The following RBFOX1 variants were observed in gnomAD, a reference collection of about 807,000 sequenced individuals.
The protein encoded by RBFOX1 is RNA binding protein fox-1 homolog 1.
A neutral mutation model predicts 57.7 loss-of-function variants in RBFOX1; 8 were observed. That is an observed-to-expected ratio of 0.14 (90% CI 0.08 to 0.25). The LOEUF is 0.25. RBFOX1 is among the 10% of genes least tolerant of loss of function. The probability of loss-of-function intolerance (pLI) is 1.00; values close to 1 mark genes in which losing one functional copy is unlikely to be tolerated. For synonymous variants in RBFOX1, 326 were observed against 222.4 expected, an observed-to-expected ratio of 1.47 and a Z score of -4.15; for missense variants, 611 against 548.5, an observed-to-expected ratio of 1.11 and a Z score of -1.14.
At chr16:6,076,843 G>A (rs1339018353) in intron 1 of RBFOX1, among the ~76,000 whole-genome samples, 5 of 152,110 alleles carry the variant, frequency 3.3e-5, no homozygotes, top group African/African-American at 9.7e-5. Context: ...GGCCAAAAAC[G>A]GGAGCAGAAA....
intron 3 of RBFOX1, among the ~76,000 whole-genome samples, chr16:5,652,667 G>A (rs1039822487): frequency 4.6e-5 from 7 of 152,186 alleles, no homozygotes; most frequent in African/African-American, 1.2e-4. Flanking sequence ...GGGAAAATGG[G>A]TGCAGGAACC....
intron 3 of RBFOX1, among the ~76,000 whole-genome samples, chr16:6,744,236 C>T (rs990646022): frequency 1.3e-4 from 20 of 152,052 alleles, no homozygotes; most frequent in African/African-American, 4.6e-4. Context: ...ACTGTTGGAA[C>T]TGGAAGGAGA....
At chr16:5,592,462 G>T (rs1466440145) in intron 2 of RBFOX1, among the ~76,000 whole-genome samples, 2 of 151,320 alleles carry the variant, frequency 1.3e-5, no homozygotes, top group African/African-American at 4.9e-5. Context: ...CATCGTCCAG[G>T]CTGGAGTGCA....
intron 1 of RBFOX1, among the ~76,000 whole-genome samples, chr16:5,259,363 C>A (rs1479733006): frequency 6.6e-6 from 1 of 152,186 alleles, no homozygotes; most frequent in East Asian, 1.9e-4. Context: ...CAGCTGATCT[C>A]ATGCAGCCAG....
intron 3 of RBFOX1, among the ~76,000 whole-genome samples, chr16:7,039,825 C>T (rs995591294): frequency 1.3e-5 from 2 of 152,026 alleles, no homozygotes; most frequent in Non-Finnish European, 2.9e-5. Context: ...ACACATGAGA[C>T]CCTAGAAGCA....
At chr16:6,716,011 C>T (rs1017907452) in intron 3 of RBFOX1, among the ~76,000 whole-genome samples, 2 of 84,312 alleles carry the variant, frequency 2.4e-5, no homozygotes, top group Non-Finnish European at 5.2e-5. Context: ...ATTAACTTCA[C>T]AGCCTACATA....
intron 4 of RBFOX1, among the ~76,000 whole-genome samples, chr16:7,138,761 A>G (rs1202117094): frequency 6.6e-6 from 1 of 152,146 alleles, no homozygotes; most frequent in Non-Finnish European, 1.5e-5. Context: ...TTTCACTAAA[A>G]CAAGGAACAC....
chr16:6,399,061 G>A (rs58308355), intron 2 of RBFOX1, among the ~76,000 whole-genome samples: 16,493 of 152,254 alleles, frequency 0.11, 1,963 homozygotes, highest in African/African-American at 0.3. Context: ...ACCCACAGGA[G>A]CAATACCACG....
chr16:6,378,228 A>G (rs2091418364), intron 2 of RBFOX1, among the ~76,000 whole-genome samples: 2 of 152,198 alleles, frequency 1.3e-5, no homozygotes, highest in South Asian at 2.1e-4. Context: ...TTTGAGCTCC[A>G]TCTGCCGCAC....
intron 2 of RBFOX1, among the ~76,000 whole-genome samples, chr16:6,492,619 C>G (rs1318520745): frequency 6.6e-6 from 1 of 151,928 alleles, no homozygotes; most frequent in Non-Finnish European, 1.5e-5. Context: ...TACTTTTGAC[C>G]CAGCCTTTCT....
intron 4 of RBFOX1, among the ~76,000 whole-genome samples, chr16:7,327,274 T>C (rs954796847): frequency 3.9e-5 from 6 of 152,112 alleles, no homozygotes; most frequent in African/African-American, 1.4e-4. Flanking sequence ...TTCACAGAGG[T>C]ATTTGGCAAA....
intron 3 of RBFOX1, among the ~76,000 whole-genome samples, chr16:6,942,195 C>A (rs2078659519): frequency 6.6e-6 from 1 of 152,138 alleles, no homozygotes; most frequent in Non-Finnish European, 1.5e-5. Flanking sequence ...GCCAAGATGG[C>A]ACCACTGTGC....
intron 3 of RBFOX1, among the ~76,000 whole-genome samples, chr16:6,655,637 T>A (rs971342475): frequency 7.2e-5 from 11 of 152,154 alleles, no homozygotes; most frequent in African/African-American, 2.2e-4. Flanking sequence ...TCACAGACAT[T>A]TCTGCAGCAA....
intron 2 of RBFOX1, among the ~76,000 whole-genome samples, chr16:6,591,756 A>T (rs559527735): frequency 6.6e-6 from 1 of 152,348 alleles, no homozygotes; most frequent in South Asian, 2.1e-4. Flanking sequence ...CAGAAAGCAG[A>T]GTCTGCATTT....
chr16:6,923,799 GC>G (rs2074998562), intron 3 of RBFOX1, among the ~76,000 whole-genome samples: 1 of 152,090 alleles, frequency 6.6e-6, no homozygotes, highest in South Asian at 2.1e-4. Context: ...TAAAGGATTT[GC>G]CACCTTCTAG....
intron 3 of RBFOX1, among the ~76,000 whole-genome samples, chr16:6,843,221 C>G (rs1460548669): frequency 6.6e-6 from 1 of 152,068 alleles, no homozygotes; most frequent in Non-Finnish European, 1.5e-5. Context: ...GGGTGAAAAT[C>G]TCTTTATTTC....
In RBFOX1 at chr16:7,077,464, CTG is replaced by C. The variant is rs200730628; in HGVS notation, c.27+25369_27+25370del. On this transcript the variant is annotated intron_variant, in intron 4 of 15. Coordinates refer to ENST00000550418, the MANE Select transcript of RBFOX1 (RefSeq NM_018723.4). Reference sequence around the variant, plus strand: ...CACAGAGTCTCAAAGACGAACTAATCTGTGAATAACTGTGCCATTAGTAAGAT... The same window carrying C: ...CACAGAGTCTCAAAGACGAACTAATCTGAATAACTGTGCCATTAGTAAGAT... Among the ~76,000 whole-genome samples the C allele has an allele frequency of 7.8e-3, 1,192 of 152,292 alleles. 11 individuals carry two copies. The highest frequency in any genetic ancestry group is 0.014 in the Admixed American group (221 of 15,296).
rs375500869 is a variant in RBFOX1 at position 6,632,453 on chromosome 16, G to C, written c.-63-22150G>C. Among the ~76,000 whole-genome samples the C allele has an allele frequency of 1.5e-4, 23 of 152,316 alleles. No homozygotes were observed. The East Asian group carries it at 1.7e-3, about 11-fold the overall frequency. On this transcript the variant is annotated intron_variant, in intron 2 of 15. Coordinates refer to ENST00000550418, the MANE Select transcript of RBFOX1 (RefSeq NM_018723.4). ...CTGAGAATGATATTCCTGTGGTTAT[G>C]AGGATAGTGTTACAGTATTTCCTTG...
chr16:5,835,580 C>G (rs886999326), intron 3 of RBFOX1, among the ~76,000 whole-genome samples: 1 of 152,290 alleles, frequency 6.6e-6, no homozygotes, highest in East Asian at 1.9e-4. Flanking sequence ...GCCCAGGAAT[C>G]TGCATTCCTA....
Sources: allele counts gnomAD v4.1 joint callset (sites outside exome capture counted in the v4.1 genomes callset), GRCh38; gene constraint gnomAD v4.1.1; transcripts MANE v1.5; gene names NCBI Gene and HGNC (gene_info 2026-07-23, HGNC 2026-07-21).